NFATC2IP: variants seen among roughly 807,000 people sequenced by gnomAD.
The protein encoded by NFATC2IP is nuclear factor of activated T cells 2 interacting protein.
In NFATC2IP, 25 loss-of-function variants were observed where a neutral mutation model predicts 40.2. The observed-to-expected ratio is 0.62, with a 90% CI of 0.45 to 0.87. The LOEUF (loss-of-function observed/expected upper bound fraction) is 0.87, where lower values mean the gene tolerates loss of function less well. Among genes scored for constraint, NFATC2IP ranks in the 40% least tolerant of loss-of-function variants. The pLI is 0.00. For missense variants in NFATC2IP, 553 were observed against 555.6 expected, an observed-to-expected ratio of 1.00 and a Z score of 0.05; for synonymous variants, 241 against 236.3, an observed-to-expected ratio of 1.02 and a Z score of -0.18.
chr16:28,951,239 G>C lies in NFATC2IP; in HGVS notation c.228G>C (p.Pro76=). The change falls in exon 1 of 8, where the codon CCG becomes CCC. Residue 76 remains proline (P), a synonymous_variant. Transcript: ENST00000320805. The part of the protein sequence containing the change: ...GAADEVEVEP[P]EPPGPVASRD... ...CGGACGAGGTTGAGGTGGAGCCCCCGGAGCCCCCGGGGCCGGTCGCGTCCC... is the reference window on the plus strand; with the variant it reads ...CGGACGAGGTTGAGGTGGAGCCCCCCGAGCCCCCGGGGCCGGTCGCGTCCC... 3 of 1,513,074 alleles carry C rather than the reference G, an allele frequency of 2.0e-6. No homozygotes were observed. The highest frequency in any genetic ancestry group is 2.7e-6 in the Non-Finnish European group (3 of 1,125,864). The allele number at this position is 1,513,074 out of a possible 1,614,324, so 93.7% of individuals were successfully genotyped here. A position where few individuals can be genotyped will look rare whatever the true frequency, so the allele number is the denominator to read the frequency against.
chr16:28,955,323 TC>T (rs1965008460), intron 3 of NFATC2IP, among the ~76,000 whole-genome samples: 1 of 152,164 alleles, frequency 6.6e-6, no homozygotes. Context: ...TTGCCTGTAA[TC>T]CCAGCACTTT....
At position 28,951,011 on chromosome 16, in the gene NFATC2IP, C is replaced by T. The variant is rs1346221372; in HGVS notation, c.-1C>T. 4.6e-6 allele frequency: 7 copies of T among 1,507,644 alleles called. No homozygotes were observed. Among genetic ancestry groups the T allele is most frequent in the Non-Finnish European group, 6.2e-6 (7 of 1,132,690 alleles). 93.4% of individuals were successfully genotyped at this position (1,507,644 alleles called of 1,614,324 possible). A position where few individuals can be genotyped will look rare whatever the true frequency, so the allele number is the denominator to read the frequency against. ...GCGTGTGTTGTGGAGGAAAGTGTGC[C>T]ATGGCGGAGCCTGTGGGGAAGCGGG... On this transcript the variant is annotated 5_prime_UTR_variant, in exon 1 of 8. Transcript: ENST00000320805.
In NFATC2IP at chr16:28,966,098, T is replaced by C. The variant is rs1965143062; in HGVS notation, c.*2235T>C. The C allele has an allele frequency of 6.6e-6, 1 of 152,114 alleles. No homozygotes were observed. The highest frequency in any genetic ancestry group is 1.5e-5 in the Non-Finnish European group (1 of 68,020). The allele number at this position is 152,114 out of a possible 1,614,324, so 9.4% of individuals were successfully genotyped here. The stretch of plus-strand genomic sequence containing the variant: ...ATTTTAATGTAGACAGTATGAATTA[T>C]CTTGTTCTGCAGTTGGTTGCTTTTT... On this transcript the variant is annotated 3_prime_UTR_variant, in exon 8 of 8. Transcript: ENST00000320805.
chr16:28,952,311 A>G (rs754588407), intron 2 of NFATC2IP, 107 bp downstream of exon 2: 2 of 1,536,366 alleles, frequency 1.3e-6, no homozygotes, highest in South Asian at 1.2e-5. Flanking sequence ...TCAAGGGAAG[A>G]GCGTGGGAGA....
At chr16:28,963,611 C>T (rs1336921952) in intron 7 of NFATC2IP, 94 bp from the exon 8 acceptor site, 9 of 1,120,688 alleles carry the variant, frequency 8.0e-6, no homozygotes, top group African/African-American at 3.1e-5. Flanking sequence ...CCGCCCCTGC[C>T]GCCATCCTCC....
At position 28,958,783 on chromosome 16, in the gene NFATC2IP, C is replaced by G; in HGVS notation, c.913C>G (p.Leu305Val). The change falls in exon 6 of 8, where the codon CTT (leucine) becomes GTT (valine). Residue 305 changes from leucine to valine, a missense_variant. By Grantham distance (32) the Leu-to-Val change is conservative (BLOSUM62 1). Coordinates refer to ENST00000320805, the MANE Select transcript of NFATC2IP (RefSeq NM_032815.4). Reference protein sequence around the residue: ...THLGVSPSRILLLFGETELSP... With the variant: ...THLGVSPSRIVLLFGETELSP... Reference sequence around the variant, plus strand: ...CCTTGGGGTGTCCCCAAGCAGGATCCTTTTGCTTTTTGGAGAGACAGAGCT... The same window carrying G: ...CCTTGGGGTGTCCCCAAGCAGGATCGTTTTGCTTTTTGGAGAGACAGAGCT... The G allele has an allele frequency of 6.2e-7, 1 of 1,613,952 alleles. No individual in the cohort carries two copies. Among genetic ancestry groups the G allele is most frequent in the Non-Finnish European group, 8.5e-7 (1 of 1,179,906 alleles).
Position 28,951,036 on chromosome 16 carries a change from G to GGCCGCTGGTCCGGAGGTAGCGGT in NFATC2IP, c.30_52dup (p.Gly18AlafsTer36). On this transcript the variant is annotated frameshift_variant, in exon 1 of 8. Transcript: ENST00000320805. LOFTEE classifies it high-confidence loss of function. ...CATGGCGGAGCCTGTGGGGAAGCGG[G>GGCCGCTGGTCCGGAGGTAGCGGT]GCCGCTGGTCCGGAGGTAGCGGTGC... 6.5e-7 allele frequency: 1 copy of GGCCGCTGGTCCGGAGGTAGCGGT among 1,527,806 alleles called. No individual in the cohort carries two copies. Among genetic ancestry groups the GGCCGCTGGTCCGGAGGTAGCGGT allele is most frequent in the South Asian group, 1.2e-5 (1 of 80,216 alleles). The allele number at this position is 1,527,806 out of a possible 1,614,324, so 94.6% of individuals were successfully genotyped here.
chr16:28,958,520 C>T (rs1398017982), intron 5 of NFATC2IP, 197 bp from the exon 6 acceptor site: 2 of 539,936 alleles, frequency 3.7e-6, no homozygotes, highest in African/African-American at 1.9e-5. Flanking sequence ...CCCATGGCTG[C>T]TATATTTCTT....
At chr16:28,958,518 T>C (rs373970250) in intron 5 of NFATC2IP, 199 bp from the exon 6 acceptor site, 1 of 534,066 alleles carries the variant, frequency 1.9e-6, no homozygotes, top group Non-Finnish European at 3.3e-6. Flanking sequence ...AACCCATGGC[T>C]GCTATATTTC....
rs772715545 is a variant in NFATC2IP, at chr16:28,951,009, G to C, written c.-3G>C. 4 of 1,506,442 alleles carry C rather than the reference G, an allele frequency of 2.7e-6. No homozygotes were observed. Among genetic ancestry groups the C allele is most frequent in the Admixed American group, 4.5e-5 (2 of 44,720 alleles). The allele number at this position is 1,506,442 out of a possible 1,614,324, so 93.3% of individuals were successfully genotyped here. A position where few individuals can be genotyped will look rare whatever the true frequency, so the allele number is the denominator to read the frequency against. ...GGGCGTGTGTTGTGGAGGAAAGTGT[G>C]CCATGGCGGAGCCTGTGGGGAAGCG... is the stretch of plus-strand genomic sequence containing the variant. On this transcript the variant is annotated 5_prime_UTR_variant, in exon 1 of 8. Coordinates refer to ENST00000320805, the MANE Select transcript of NFATC2IP (RefSeq NM_032815.4).
chr16:28,952,164 T>C lies in NFATC2IP; in HGVS notation c.420T>C (p.Asp140=), dbSNP rs147970515. 4.3e-5 allele frequency: 70 copies of C among 1,613,890 alleles called. No homozygotes were observed. In the African/African-American group the frequency reaches 8.5e-4, roughly 20 times the overall value. Residue 140 remains aspartate, a synonymous_variant, in exon 2 of 8, where the codon GAT becomes GAC. Transcript: ENST00000320805. ...VKSSLRLIPD[D]LSLLKLYPPG... Reference sequence around the variant, plus strand: ...GCAGCCTTCGCCTTATCCCAGATGATCTATCCCTCCTGAAACTCTACCCTC... The same window carrying C: ...GCAGCCTTCGCCTTATCCCAGATGACCTATCCCTCCTGAAACTCTACCCTC...
At position 28,951,302 on chromosome 16, in the gene NFATC2IP, G is replaced by A; in HGVS notation, c.291G>A (p.Arg97=). The change falls in exon 1 of 8, where the codon AGG becomes AGA. Residue 97 remains arginine (R), a synonymous_variant. Coordinates refer to ENST00000320805, the MANE Select transcript of NFATC2IP (RefSeq NM_032815.4). ...ACAGTGACAGCGAAGGGGAGGACAGGCGGCCCGCAGGACCCCCGCGGGAGC... is the reference window on the plus strand; with the variant it reads ...ACAGTGACAGCGAAGGGGAGGACAGACGGCCCGCAGGACCCCCGCGGGAGC... ...NSNSDSEGED[R]RPAGPPREPV... The A allele has an allele frequency of 7.0e-7, 1 of 1,425,724 alleles. No individual in the cohort carries two copies. The highest frequency in any genetic ancestry group is 1.9e-4 in the Middle Eastern group (1 of 5,200). 88.3% of individuals were successfully genotyped at this position (1,425,724 alleles called of 1,614,324 possible).
At chr16:28,961,627 G>A (rs957957425) in intron 7 of NFATC2IP, among the ~76,000 whole-genome samples, 6 of 151,900 alleles carry the variant, frequency 3.9e-5, no homozygotes, top group Admixed American at 2.0e-4. Context: ...AGGGCCAGAC[G>A]TGGTGGCTCA....
rs1003281239 is a variant in NFATC2IP at position 28,956,184 on chromosome 16, C to T, written c.693C>T (p.Ser231=). The change falls in exon 5 of 8, where the codon TCC becomes TCT. Residue 231 remains serine (S), a synonymous_variant. Transcript: ENST00000320805. The stretch of plus-strand genomic sequence containing the variant: ...ACAAGCGCCTCCAGGATCTCCGTTC[C>T]TGTCTGAGCCCCAAGCCACCTCAGG... ...EVNKRLQDLR[S]CLSPKPPQGQ... is the part of the protein sequence containing the mutation. The T allele has an allele frequency of 6.2e-7, 1 of 1,614,054 alleles. No homozygotes were observed. The highest frequency in any genetic ancestry group is 8.5e-7 in the Non-Finnish European group (1 of 1,180,006).
chr16:28,958,573 A>AT, intron 5 of NFATC2IP, 144 bp from the exon 6 acceptor site: 1 of 712,646 alleles, frequency 1.4e-6, no homozygotes, highest in Non-Finnish European at 2.4e-6. Context: ...ATTTTATTCT[A>AT]TACCTTGCCA....
rs2141642046 is a variant in NFATC2IP, at chr16:28,956,162, A to G, written c.671A>G (p.Lys224Arg). The G allele has an allele frequency of 6.2e-7, 1 of 1,614,024 alleles. No individual in the cohort carries two copies. Among genetic ancestry groups the G allele is most frequent in the Non-Finnish European group, 8.5e-7 (1 of 1,179,980 alleles). Residue 224 changes from lysine (K) to arginine (R), a missense_variant, in exon 5 of 8, where the codon AAG (lysine) becomes AGG (arginine). By Grantham distance (26) the Lys-to-Arg change is conservative (BLOSUM62 2). Coordinates refer to ENST00000320805, the MANE Select transcript of NFATC2IP (RefSeq NM_032815.4). ...TGTCTGCACTGCAGTGAGGTGAACA[A>G]GCGCCTCCAGGATCTCCGTTCCTGT... ...RALKKLSEVNKRLQDLRSCLS... is the reference protein window; with the variant it reads ...RALKKLSEVNRRLQDLRSCLS...
chr16:28,956,063 C>A lies in NFATC2IP; in HGVS notation c.659+5C>A. 1 of 1,613,956 alleles carries A rather than the reference C, an allele frequency of 6.2e-7. No homozygotes were observed. Among genetic ancestry groups the A allele is most frequent in the South Asian group, 1.1e-5 (1 of 91,066 alleles). ...TCGGGCACTCAAGAAGTTAAGGTGC[C>A]AAGTGCAGGGGCTCTGGCTGGGATG... On this transcript the variant is annotated splice_donor_5th_base_variant and intron_variant, in intron 4 of 7. Transcript: ENST00000320805.
At position 28,963,782 on chromosome 16, in the gene NFATC2IP, T is replaced by G. The variant is rs1965114444; in HGVS notation, c.1179T>G (p.Phe393Leu). ...CGGGACGGAAGCTCTCCTTCTTCTTTGATGGGACAAAGCTTTCAGGCAGGG... is the reference window on the plus strand; with the variant it reads ...CGGGACGGAAGCTCTCCTTCTTCTTGGATGGGACAAAGCTTTCAGGCAGGG... ...GLSGRKLSFF[F>L]DGTKLSGREL... Residue 393 changes from phenylalanine (F) to leucine (L), a missense_variant, in exon 8 of 8, where the codon TTT becomes TTG. By Grantham distance (22) the Phe-to-Leu change is conservative. Coordinates refer to ENST00000320805, the MANE Select transcript of NFATC2IP (RefSeq NM_032815.4). The G allele has an allele frequency of 6.2e-7, 1 of 1,614,104 alleles. No homozygotes were observed. Among genetic ancestry groups the G allele is most frequent in the African/African-American group, 1.3e-5 (1 of 74,942 alleles).
chr16:28,959,056 C>T lies in NFATC2IP; in HGVS notation c.1057C>T (p.Gln353Ter). 6.2e-7 allele frequency: 1 copy of T among 1,613,904 alleles called. No individual in the cohort carries two copies. The highest frequency in any genetic ancestry group is 8.5e-7 in the Non-Finnish European group (1 of 1,179,818). ...GTCCCAACAGCTCCAGCTCCGGGTGCAGGGAAAGGAGAAACACCAGACACT... is the reference window on the plus strand; with the variant it reads ...GTCCCAACAGCTCCAGCTCCGGGTGTAGGGAAAGGAGAAACACCAGACACT... ...ETSQQLQLRVQGKEKHQTLEV... is the reference protein window; with the variant it reads ...ETSQQLQLRV Residue 353 changes from glutamine (Q) to a stop codon, truncating the protein, a stop_gained, in exon 7 of 8, where the codon CAG becomes TAG. Transcript: ENST00000320805. LOFTEE classifies it high-confidence loss of function.
Sources: gnomAD v4.1 joint callset for allele counts (sites outside exome capture counted in the v4.1 genomes callset) on GRCh38, gnomAD v4.1.1 for gene constraint, MANE v1.5 for transcripts, NCBI Gene and HGNC (gene_info 2026-07-23, HGNC 2026-07-21) for gene names.